The following PCSK5 variants were observed in gnomAD, a reference collection of about 807,000 sequenced individuals.
PCSK5 encodes proprotein convertase subtilisin/kexin type 5, also known as prohormone convertase 5.
In PCSK5, 129 loss-of-function variants were observed where a neutral mutation model predicts 233.2. The observed-to-expected ratio is 0.55, with a 90% CI of 0.48 to 0.64. PCSK5 has a LOEUF of 0.64. Ranked by LOEUF, PCSK5 falls within the 30% of genes least tolerant of loss-of-function variation. The pLI, the probability that PCSK5 is intolerant of heterozygous loss-of-function variation, is 0.00. For missense variants in PCSK5, 2,076 were observed against 2,430.1 expected (o/e 0.85, Z 3.06); for synonymous variants, 825 against 879.2 (o/e 0.94, Z 1.09).
intron 8 of PCSK5, among the ~76,000 whole-genome samples, chr9:76,106,363 A>G (rs1388029276): frequency 1.3e-5 from 2 of 152,238 alleles, no homozygotes; most frequent in Non-Finnish European, 2.9e-5. Context: ...AGTGGTTTCC[A>G]GAATCTTATT....
At chr9:76,145,438 T>C (rs1201650042) in intron 10 of PCSK5, among the ~76,000 whole-genome samples, 1 of 152,198 alleles carries the variant, frequency 6.6e-6, no homozygotes, top group Non-Finnish European at 1.5e-5. Context: ...AAGTCTTCCA[T>C]GATTATCGTC....
At chr9:76,074,966 T>C (rs1013080414) in intron 7 of PCSK5, among the ~76,000 whole-genome samples, 1 of 152,124 alleles carries the variant, frequency 6.6e-6, no homozygotes, top group South Asian at 2.1e-4. Context: ...ATGCCTGTAA[T>C]CCCAACACTT....
chr9:76,230,828 C>G (rs1289651520), intron 21 of PCSK5, among the ~76,000 whole-genome samples: 1 of 151,980 alleles, frequency 6.6e-6, no homozygotes, highest in African/African-American at 2.4e-5. Context: ...CCAGATGAGA[C>G]CATCTAGTTG....
intron 2 of PCSK5, among the ~76,000 whole-genome samples, chr9:75,980,187 A>C (rs1587452805): frequency 2.0e-5 from 3 of 152,340 alleles, no homozygotes; most frequent in Middle Eastern, 6.8e-3. Context: ...GAAAGTGAGT[A>C]ATGTAATTAG....
chr9:76,071,762 T>C lies in PCSK5; in HGVS notation c.758T>C (p.Val253Ala), dbSNP rs1830489548. ...RMLDGDVTDM[V>A]EAKSVSFNPQ... Reference sequence around the variant, plus strand: ...CTGGACGGAGATGTCACGGACATGGTTGAAGCAAAATCAGTTAGCTTCAAC... The same window carrying C: ...CTGGACGGAGATGTCACGGACATGGCTGAAGCAAAATCAGTTAGCTTCAAC... The change falls in exon 7 of 38, where the codon GTT (valine) becomes GCT (alanine). Residue 253 changes from valine to alanine, a missense_variant. Around this residue, in one of 6 missense-constraint regions of PCSK5, gnomAD observed 178 missense variants for 393.6 expected, o/e 0.45. Coordinates refer to ENST00000674117, the MANE Select transcript of PCSK5 (RefSeq NM_001372043.1). The C allele has an allele frequency of 6.2e-7, 1 of 1,613,832 alleles. No individual in the cohort carries two copies.
At chr9:76,150,404 CG>C (rs1372525791) in intron 10 of PCSK5, among the ~76,000 whole-genome samples, 1 of 152,124 alleles carries the variant, frequency 6.6e-6, no homozygotes, top group Non-Finnish European at 1.5e-5. Context: ...GAGGCTGACA[CG>C]GGCGGATCAC....
chr9:75,958,462 G>A (rs1222896417), intron 2 of PCSK5, among the ~76,000 whole-genome samples: 3 of 152,184 alleles, frequency 2.0e-5, no homozygotes, highest in Non-Finnish European at 2.9e-5. Flanking sequence ...AAGGAATTCT[G>A]TTTTCTGAGT....
intron 5 of PCSK5, among the ~76,000 whole-genome samples, chr9:76,053,268 C>A (rs1034917455): frequency 6.6e-6 from 1 of 152,218 alleles, no homozygotes; most frequent in East Asian, 1.9e-4. Flanking sequence ...TTCTGCACTG[C>A]CCTGGTAGAG....
intron 10 of PCSK5, among the ~76,000 whole-genome samples, chr9:76,149,919 G>A (rs964924040): frequency 6.6e-6 from 1 of 152,132 alleles, no homozygotes; most frequent in African/African-American, 2.4e-5. Flanking sequence ...TCTTAAAATG[G>A]ATAGAGGCCC....
rs562914800 is a variant in PCSK5 at position 76,119,397 on chromosome 9, T to C, written c.1208+12046T>C. On this transcript the variant is annotated intron_variant, in intron 9 of 37. Coordinates refer to ENST00000674117, the MANE Select transcript of PCSK5 (RefSeq NM_001372043.1). ...AATATATGTGTCCTTTATGAAATCT[T>C]CAATTATATAGGCATACCTGATCTT... 5.9e-5 allele frequency among the ~76,000 whole-genome samples: 9 copies of C among 152,234 alleles called. No homozygotes were observed. In the South Asian group the frequency reaches 1.9e-3, roughly 32 times the overall value.
chr9:76,046,256 C>T (rs1174039548), intron 5 of PCSK5, among the ~76,000 whole-genome samples: 3 of 133,826 alleles, frequency 2.2e-5, no homozygotes, highest in Non-Finnish European at 4.6e-5. Context: ...CGGCTCACTG[C>T]AATCTCTGCC....
chr9:76,150,522 A>T (rs1316694353), intron 10 of PCSK5, among the ~76,000 whole-genome samples: 1 of 152,112 alleles, frequency 6.6e-6, no homozygotes, highest in Non-Finnish European at 1.5e-5. Context: ...AATCCCAGCT[A>T]CTGGGGAGGC....
At chr9:75,977,760 C>A (rs1826091343) in intron 2 of PCSK5, among the ~76,000 whole-genome samples, 1 of 151,542 alleles carries the variant, frequency 6.6e-6, no homozygotes, top group Non-Finnish European at 1.5e-5. Flanking sequence ...ACAGGCGCCT[C>A]CCACCACGCA....
At chr9:76,222,738 C>T (rs62563392) in intron 20 of PCSK5, among the ~76,000 whole-genome samples, 1 of 152,054 alleles carries the variant, frequency 6.6e-6, no homozygotes, top group Non-Finnish European at 1.5e-5. Flanking sequence ...CAGTTGATGG[C>T]CTCATAGTTT....
At position 76,064,517 on chromosome 9, in the gene PCSK5, C is replaced by T. The variant is rs560571311; in HGVS notation, c.633-3438C>T. 9.3e-5 allele frequency among the ~76,000 whole-genome samples: 14 copies of T among 150,296 alleles called. No individual in the cohort carries two copies. The East Asian group carries it at 2.6e-3, about 28-fold the overall frequency. ...TGGCCGGGCGGGGGGCTGAACCCCCCCAACCTCCCTCCCGGACGGGGTGGC... is the reference window on the plus strand; with the variant it reads ...TGGCCGGGCGGGGGGCTGAACCCCCTCAACCTCCCTCCCGGACGGGGTGGC... On this transcript the variant is annotated intron_variant, in intron 5 of 37. Transcript: ENST00000674117.
chr9:75,902,936 G>A lies in PCSK5; in HGVS notation c.192+11563G>A, dbSNP rs76264946. 1.0e-3 allele frequency among the ~76,000 whole-genome samples: 152 copies of A among 152,218 alleles called. 4 individuals carry two copies. The East Asian group carries it at 0.026, about 26-fold the overall frequency. On this transcript the variant is annotated intron_variant, in intron 1 of 37. Transcript: ENST00000674117. ...GAACACTGAATATAGAGGGGACAGT[G>A]GAAACAGAGAATGTAAAACCAGGAC...
intron 13 of PCSK5, among the ~76,000 whole-genome samples, chr9:76,172,944 G>C (rs1167042683): frequency 6.6e-6 from 1 of 152,174 alleles, no homozygotes; most frequent in Non-Finnish European, 1.5e-5. Flanking sequence ...AAAAATGCAT[G>C]CATCACAGAA....
intron 13 of PCSK5, 80 bp downstream of exon 13, chr9:76,169,920 TCA>T: frequency 8.8e-7 from 1 of 1,140,914 alleles, no homozygotes; most frequent in Non-Finnish European, 1.3e-6. Flanking sequence ...TGTTTCACAC[TCA>T]CATATTAGCA....
At chr9:76,124,833 A>C (rs1832782656) in intron 9 of PCSK5, among the ~76,000 whole-genome samples, 1 of 150,696 alleles carries the variant, frequency 6.6e-6, no homozygotes, top group Admixed American at 6.6e-5. Context: ...GATTCCACCT[A>C]TCCATGTCAA....
Sources: gnomAD v4.1 joint callset for allele counts (sites outside exome capture counted in the v4.1 genomes callset) on GRCh38, gnomAD v4.1.1 for gene constraint, gnomAD v4.1.1 regional missense constraint, MANE v1.5 for transcripts, NCBI Gene and HGNC (gene_info 2026-07-23, HGNC 2026-07-21) for gene names.